Variants in ATOSA observed in about 807,000 individuals in gnomAD.
ATOSA encodes atos homolog A, also known as atos homolog protein A.
the ATOSA span, among the ~76,000 whole-genome samples, chr15:52,665,488 G>GT: frequency 1.1e-4 from 17 of 152,088 alleles, no homozygotes; most frequent in African/African-American, 3.9e-4. Context: ...GCTAACAAGA[G>GT]TGTCAAGTAG....
At chr15:52,709,646 G>C in the ATOSA span, 680 of 152,512 alleles carry the variant, frequency 4.5e-3, 7 homozygotes, top group East Asian at 0.017. Context: ...CTCCTCACTC[G>C]TCACCACACA....
chr15:52,666,990 G>A, the ATOSA span, among the ~76,000 whole-genome samples: 1 of 151,996 alleles, frequency 6.6e-6, no homozygotes, highest in Non-Finnish European at 1.5e-5. Context: ...TATTCTGAGC[G>A]AAGATATCAA....
At chr15:52,688,122 A>AAT in the ATOSA span, among the ~76,000 whole-genome samples, 1 of 152,330 alleles carries the variant, frequency 6.6e-6, no homozygotes, top group East Asian at 1.9e-4. Flanking sequence ...TTATTGTTTA[A>AAT]AGCTGCTAAT....
At chr15:52,598,980 C>T in the ATOSA span, among the ~76,000 whole-genome samples, 1 of 152,164 alleles carries the variant, frequency 6.6e-6, no homozygotes, top group African/African-American at 2.4e-5. Flanking sequence ...CTTTGCCTAC[C>T]ACTATAAGTA....
chr15:52,604,102 T>C, the ATOSA span, among the ~76,000 whole-genome samples: 3 of 152,210 alleles, frequency 2.0e-5, no homozygotes, highest in African/African-American at 7.2e-5. Context: ...TGTAAATATA[T>C]ACAACTATTA....
At chr15:52,685,054 T>C in the ATOSA span, among the ~76,000 whole-genome samples, 4 of 152,268 alleles carry the variant, frequency 2.6e-5, no homozygotes, top group East Asian at 7.7e-4. Flanking sequence ...TTTTTAATTT[T>C]TCAAAATGTG....
At chr15:52,704,379 G>A in the ATOSA span, among the ~76,000 whole-genome samples, 2 of 152,220 alleles carry the variant, frequency 1.3e-5, no homozygotes, top group African/African-American at 4.8e-5. Context: ...AGACTTAAAT[G>A]TAAGACCTAA....
At chr15:52,708,068 C>T in the ATOSA span, among the ~76,000 whole-genome samples, 71 of 152,114 alleles carry the variant, frequency 4.7e-4, no homozygotes, top group Non-Finnish European at 7.9e-4. Flanking sequence ...TAAAGTTACC[C>T]GGGGAAAACT....
At chr15:52,601,437 T>C in the ATOSA span, among the ~76,000 whole-genome samples, 1 of 151,570 alleles carries the variant, frequency 6.6e-6, no homozygotes, top group Non-Finnish European at 1.5e-5. Flanking sequence ...AAACCCTGCA[T>C]GGAATTCCAA....
the ATOSA span, among the ~76,000 whole-genome samples, chr15:52,620,884 C>T: frequency 6.6e-6 from 1 of 152,114 alleles, no homozygotes; most frequent in Non-Finnish European, 1.5e-5. Context: ...CTGCGGTGAG[C>T]TGGGATTGTG....
chr15:52,706,850 A>G, the ATOSA span, among the ~76,000 whole-genome samples: 1 of 152,154 alleles, frequency 6.6e-6, no homozygotes, highest in African/African-American at 2.4e-5. Context: ...AGAATACGCA[A>G]ATCTGTAGAG....
At chr15:52,644,146 C>T in the ATOSA span, among the ~76,000 whole-genome samples, 1 of 150,976 alleles carries the variant, frequency 6.6e-6, no homozygotes, top group Non-Finnish European at 1.5e-5. Context: ...TGGTTTTGAA[C>T]TCCTGGCCTC....
chr15:52,593,827 G>T, the ATOSA span: 1 of 1,232,312 alleles, frequency 8.1e-7, no homozygotes, highest in Non-Finnish European at 1.1e-6. Flanking sequence ...TAGTCTAAAG[G>T]CAGAGAAGTG....
the ATOSA span, among the ~76,000 whole-genome samples, chr15:52,699,013 G>T: frequency 6.6e-6 from 1 of 152,154 alleles, no homozygotes; most frequent in African/African-American, 2.4e-5. Flanking sequence ...AAAAAAGAAA[G>T]TTATTACTGG....
chr15:52,587,328 TG>T, the ATOSA span: 1 of 903,230 alleles, frequency 1.1e-6, no homozygotes, highest in East Asian at 2.7e-5. Flanking sequence ...TCTATTTCTA[TG>T]GAAAAACATT....
At chr15:52,582,982 T>C in the ATOSA span, among the ~76,000 whole-genome samples, 12 of 152,222 alleles carry the variant, frequency 7.9e-5, no homozygotes, top group African/African-American at 2.9e-4. Context: ...TAATTTCTCT[T>C]TGTTTTTCCC....
At chr15:52,587,197 A>T in the ATOSA span, 1 of 1,613,416 alleles carries the variant, frequency 6.2e-7, no homozygotes, top group African/African-American at 1.3e-5. Context: ...CCTTTTACCA[A>T]GGGACTCTAA....
the ATOSA span, among the ~76,000 whole-genome samples, chr15:52,623,017 A>G: frequency 6.6e-6 from 1 of 151,388 alleles, no homozygotes; most frequent in South Asian, 2.1e-4. Context: ...AAATAAAGCC[A>G]GGTGTGTAAC....
the ATOSA span, chr15:52,605,094 T>C: frequency 2.3e-6 from 3 of 1,298,856 alleles, no homozygotes; most frequent in South Asian, 3.9e-5. Context: ...TTCAGATGTA[T>C]GTAAGTTCTA....
Sources: gnomAD v4.1 joint callset for allele counts (sites outside exome capture counted in the v4.1 genomes callset) on GRCh38, gnomAD v4.1.1 for gene constraint, MANE v1.5 for transcripts, NCBI Gene and HGNC (gene_info 2026-07-23, HGNC 2026-07-21) for gene names.